Variants in ADAMTS6 observed in about 807,000 individuals in gnomAD.
ADAMTS6 encodes the protein A disintegrin and metalloproteinase with thrombospondin motifs 6.
Under a neutral mutation model 144.3 loss-of-function variants are expected in ADAMTS6, and 23 were observed. The ratio of observed to expected loss-of-function variants is 0.16; its 90% CI spans 0.11 to 0.23. The LOEUF (loss-of-function observed/expected upper bound fraction) is 0.23. Among genes scored for constraint, ADAMTS6 ranks in the 10% least tolerant of loss-of-function variants. ADAMTS6 has a pLI of 1.00. For missense variants in ADAMTS6, 999 were observed against 1,379.6 expected (o/e 0.72, Z 4.37); for synonymous variants, 444 against 457.5 (o/e 0.97, Z 0.38).
chr5:65,292,558 T>C (rs951934013), intron 10 of ADAMTS6, among the ~76,000 whole-genome samples: 3 of 152,232 alleles, frequency 2.0e-5, no homozygotes, highest in African/African-American at 2.4e-5. Context: ...GTTTCTCATA[T>C]TCTTAACATG....
rs575765245 is a variant in ADAMTS6 at position 65,429,980 on chromosome 5, A to C, written c.1073+21495T>G. Among the ~76,000 whole-genome samples, 17 of 152,262 alleles carry C rather than the reference A, an allele frequency of 1.1e-4. 1 individual carries two copies. In the South Asian group the frequency reaches 3.3e-3, roughly 30 times the overall value. ...TACACTTCATGAAGTTTTTAAAATTATATTTACTAATCTGTCTTAAATTTA... is the reference window on the plus strand; with the variant it reads ...TACACTTCATGAAGTTTTTAAAATTCTATTTACTAATCTGTCTTAAATTTA... On this transcript the variant is annotated intron_variant, in intron 7 of 24. Coordinates refer to ENST00000381055, the MANE Select transcript of ADAMTS6 (RefSeq NM_197941.4).
chr5:65,184,659 C>T (rs1008229513), intron 22 of ADAMTS6, among the ~76,000 whole-genome samples: 1 of 152,140 alleles, frequency 6.6e-6, no homozygotes, highest in African/African-American at 2.4e-5. Flanking sequence ...AGCTACTTGC[C>T]CAGTGAGGGC....
At chr5:65,468,482 A>G (rs987312551) in intron 3 of ADAMTS6, among the ~76,000 whole-genome samples, 2 of 152,020 alleles carry the variant, frequency 1.3e-5, no homozygotes, top group Non-Finnish European at 2.9e-5. Flanking sequence ...GAATGAAGAT[A>G]AAGTTTACTA....
At chr5:65,305,748 A>G (rs1743880176) in intron 9 of ADAMTS6, among the ~76,000 whole-genome samples, 1 of 152,106 alleles carries the variant, frequency 6.6e-6, no homozygotes, top group Admixed American at 6.6e-5. Flanking sequence ...AGACAGAGAA[A>G]AAGTCAGAGG....
At chr5:65,441,634 G>A (rs183801208) in intron 7 of ADAMTS6, among the ~76,000 whole-genome samples, 6 of 151,864 alleles carry the variant, frequency 4.0e-5, no homozygotes, top group East Asian at 3.9e-4. Context: ...CTTTTCAAGC[G>A]CACCCACCTG....
At chr5:65,419,280 G>A (rs1211670406) in intron 7 of ADAMTS6, among the ~76,000 whole-genome samples, 2 of 152,162 alleles carry the variant, frequency 1.3e-5, no homozygotes, top group East Asian at 3.8e-4. Context: ...AGTATCCTAA[G>A]CAAATTAATG....
At chr5:65,435,559 C>T (rs1757323985) in intron 7 of ADAMTS6, among the ~76,000 whole-genome samples, 1 of 151,598 alleles carries the variant, frequency 6.6e-6, no homozygotes, top group South Asian at 2.1e-4. Flanking sequence ...TTAGGAAAGG[C>T]AAGATGAGGA....
At chr5:65,400,361 C>T (rs1753814804) in intron 7 of ADAMTS6, among the ~76,000 whole-genome samples, 1 of 152,094 alleles carries the variant, frequency 6.6e-6, no homozygotes, top group Non-Finnish European at 1.5e-5. Context: ...TAGGTACACA[C>T]TACTGCATAT....
In ADAMTS6 at chr5:65,460,281, T is replaced by C; in HGVS notation, c.520A>G (p.Thr174Ala). Residue 174 changes from threonine (T) to alanine (A), a missense_variant, in exon 4 of 25, where the codon ACA becomes GCA. Physicochemically the swap from Thr to Ala is moderately conservative, Grantham distance 58 (BLOSUM62 0). Coordinates refer to ENST00000381055, the MANE Select transcript of ADAMTS6 (RefSeq NM_197941.4). ...TAACTAAAATGCTTGGAATCCTCTG[T>C]GGTATTCTTTAAAGGTTCGATAAAA... ...EYFIEPLKNTTEDSKHFSYEN... is the reference protein window; with the variant it reads ...EYFIEPLKNTAEDSKHFSYEN... 6.2e-7 allele frequency: 1 copy of C among 1,614,054 alleles called. No individual in the cohort carries two copies. The highest frequency in any genetic ancestry group is 8.5e-7 in the Non-Finnish European group (1 of 1,179,950).
intron 7 of ADAMTS6, among the ~76,000 whole-genome samples, chr5:65,440,488 G>A (rs961446851): frequency 3.3e-5 from 5 of 152,088 alleles, no homozygotes; most frequent in African/African-American, 1.2e-4. Flanking sequence ...TGAAGAGACA[G>A]AACAGAAAAT....
chr5:65,364,584 T>G (rs77714810), intron 7 of ADAMTS6, among the ~76,000 whole-genome samples: 18 of 142,526 alleles, frequency 1.3e-4, no homozygotes, highest in East Asian at 5.9e-4. Context: ...TTTTTTTTTT[T>G]GGGACAGAGC....
chr5:65,441,894 C>A (rs1490620933), intron 7 of ADAMTS6, among the ~76,000 whole-genome samples: 2 of 148,756 alleles, frequency 1.3e-5, no homozygotes, highest in African/African-American at 4.9e-5. Context: ...CTGAATGGAA[C>A]TGAAACTCAA....
At chr5:65,468,976 A>T (rs1329977761) in intron 3 of ADAMTS6, among the ~76,000 whole-genome samples, 1 of 151,614 alleles carries the variant, frequency 6.6e-6, no homozygotes, top group Non-Finnish European at 1.5e-5. Flanking sequence ...TTCCTCTCCA[A>T]TCCAGCTCTC....
intron 24 of ADAMTS6, among the ~76,000 whole-genome samples, chr5:65,153,224 A>G (rs1177699825): frequency 3.3e-5 from 5 of 152,208 alleles, no homozygotes; most frequent in African/African-American, 7.2e-5. Flanking sequence ...TTAAAATTTG[A>G]AACTGGAACT....
intron 1 of ADAMTS6, among the ~76,000 whole-genome samples, chr5:65,474,978 A>C (rs2150290167): frequency 6.6e-6 from 1 of 152,202 alleles, no homozygotes; most frequent in East Asian, 1.9e-4. Flanking sequence ...CAAAATAAGA[A>C]GATAAATGCG....
chr5:65,359,573 C>G (rs1030119100), intron 7 of ADAMTS6, among the ~76,000 whole-genome samples: 23 of 152,188 alleles, frequency 1.5e-4, no homozygotes, highest in African/African-American at 5.1e-4. Flanking sequence ...AGTCAATTCA[C>G]TGTGGCATTA....
At chr5:65,244,926 CG>C (rs1759501370) in intron 14 of ADAMTS6, among the ~76,000 whole-genome samples, 2 of 152,116 alleles carry the variant, frequency 1.3e-5, no homozygotes, top group African/African-American at 4.8e-5. Context: ...TTCCAAATTA[CG>C]TTTTTTCTCA....
intron 15 of ADAMTS6, among the ~76,000 whole-genome samples, chr5:65,228,802 A>G (rs1400742565): frequency 6.6e-6 from 1 of 152,180 alleles, no homozygotes; most frequent in East Asian, 1.9e-4. Context: ...CAAGAGTCCT[A>G]CTGTTTTCTT....
intron 22 of ADAMTS6, among the ~76,000 whole-genome samples, chr5:65,184,335 T>G (rs561297969): frequency 5.9e-5 from 9 of 152,206 alleles, no homozygotes; most frequent in Non-Finnish European, 1.2e-4. Context: ...GAGATGGGTT[T>G]AAATTACTTA....
Sources: allele counts gnomAD v4.1 joint callset (sites outside exome capture counted in the v4.1 genomes callset), GRCh38; gene constraint gnomAD v4.1.1; transcripts MANE v1.5; gene names NCBI Gene and HGNC (gene_info 2026-07-23, HGNC 2026-07-21).